Variants in DDX10 observed in about 807,000 individuals in gnomAD.
DDX10 encodes the protein DEAD-box helicase 10, also known as probable ATP-dependent RNA helicase DDX10.
DDX10 carries 74 observed loss-of-function variants against 104.3 expected under a neutral mutation model. The ratio of observed to expected loss-of-function variants is 0.71; its 90% CI spans 0.59 to 0.86. DDX10 has a LOEUF of 0.86. Ranked by LOEUF, DDX10 falls within the 40% of genes least tolerant of loss-of-function variation. The probability of loss-of-function intolerance (pLI) is 0.00; values close to 1 mark genes in which losing one functional copy is unlikely to be tolerated. For missense variants in DDX10, 952 were observed against 1,040.0 expected (o/e 0.92, Z 1.16); for synonymous variants, 351 against 353.4 (o/e 0.99, Z 0.08).
At chr11:108,731,016 G>C (rs1034804406) in intron 13 of DDX10, among the ~76,000 whole-genome samples, 1 of 151,542 alleles carries the variant, frequency 6.6e-6, no homozygotes, top group African/African-American at 2.4e-5. Flanking sequence ...GTTGAATTTC[G>C]TGGTTCTCCA....
intron 1 of DDX10, among the ~76,000 whole-genome samples, chr11:108,666,668 T>C (rs2094210563): frequency 6.6e-6 from 1 of 152,200 alleles, no homozygotes; most frequent in Non-Finnish European, 1.5e-5. Context: ...TGGCATTCCT[T>C]GGCCTGTGGC....
At position 108,937,189 on chromosome 11, in the gene DDX10, G is replaced by A. The variant is rs557681527; in HGVS notation, c.2451-3057G>A. On this transcript the variant is annotated intron_variant, in intron 17 of 17. Transcript: ENST00000322536. ...AAATGCCCAAGTGTCTGCCGATCTC[G>A]CGAGTGAGGGCCGTGCTTGAGGAGT... is the stretch of plus-strand genomic sequence containing the variant. Among the ~76,000 whole-genome samples the A allele has an allele frequency of 2.2e-4, 33 of 152,288 alleles. 1 individual carries two copies. Among genetic ancestry groups the A allele is most frequent in the Admixed American group, 1.2e-3 (19 of 15,296 alleles).
At chr11:108,923,243 C>T (rs539911375) in intron 17 of DDX10, among the ~76,000 whole-genome samples, 1 of 152,128 alleles carries the variant, frequency 6.6e-6, no homozygotes, top group African/African-American at 2.4e-5. Flanking sequence ...TGCACAGAGT[C>T]CTGTGTTCTT....
chr11:108,874,928 C>T (rs1394176034), intron 16 of DDX10, among the ~76,000 whole-genome samples: 1 of 152,056 alleles, frequency 6.6e-6, no homozygotes, highest in African/African-American at 2.4e-5. Context: ...ATTCTTGTGC[C>T]AGTTATTTAA....
intron 13 of DDX10, among the ~76,000 whole-genome samples, chr11:108,759,639 C>T (rs945140165): frequency 6.6e-6 from 1 of 151,994 alleles, no homozygotes; most frequent in African/African-American, 2.4e-5. Flanking sequence ...TACATCTGTT[C>T]TAGGGCTTTT....
intron 16 of DDX10, among the ~76,000 whole-genome samples, chr11:108,879,485 A>T (rs1863198757): frequency 6.6e-6 from 1 of 152,208 alleles, no homozygotes; most frequent in African/African-American, 2.4e-5. Flanking sequence ...CTAAAATGGT[A>T]ATTTCTACAT....
At chr11:108,892,891 A>G (rs1181294650) in intron 16 of DDX10, among the ~76,000 whole-genome samples, 3 of 152,094 alleles carry the variant, frequency 2.0e-5, no homozygotes, top group Non-Finnish European at 2.9e-5. Flanking sequence ...ATTCTCACCT[A>G]TCCTTCACTG....
intron 15 of DDX10, among the ~76,000 whole-genome samples, chr11:108,851,848 T>C (rs1380581157): frequency 2.0e-5 from 3 of 152,152 alleles, no homozygotes; most frequent in Non-Finnish European, 4.4e-5. Context: ...AGAATGTGTC[T>C]CTTGTATAAT....
intron 11 of DDX10, 93 bp from the exon 12 acceptor site, chr11:108,719,704 T>C (rs2094295903): frequency 1.4e-6 from 1 of 712,302 alleles, no homozygotes; most frequent in Non-Finnish European, 2.4e-6. Flanking sequence ...TCAGTACTAT[T>C]GAATTTATCC....
chr11:108,927,747 C>A (rs1055884496), intron 17 of DDX10, among the ~76,000 whole-genome samples: 3 of 152,024 alleles, frequency 2.0e-5, no homozygotes, highest in Admixed American at 1.3e-4. Context: ...AAGCAATTCT[C>A]CTGCCTCAGC....
chr11:108,686,048 T>C (rs1255137350), intron 6 of DDX10, among the ~76,000 whole-genome samples: 1 of 152,220 alleles, frequency 6.6e-6, no homozygotes, highest in African/African-American at 2.4e-5. Context: ...TCATTCTGTT[T>C]CCCATAATTC....
At position 108,730,828 on chromosome 11, in the gene DDX10, A is replaced by G. The variant is rs61914013; in HGVS notation, c.1965+7366A>G. On this transcript the variant is annotated intron_variant, in intron 13 of 17. Coordinates refer to ENST00000322536, the MANE Select transcript of DDX10 (RefSeq NM_004398.4). ...TTATACTATAAGAAGTTCTATCTTT[A>G]AAGTACACACGTACCTGCATGTTTT... Among the ~76,000 whole-genome samples, 1,077 of 148,278 alleles carry G rather than the reference A, an allele frequency of 7.3e-3. 7 individuals carry two copies. The highest frequency in any genetic ancestry group is 0.012 in the Non-Finnish European group (827 of 67,350).
chr11:108,923,004 G>A (rs935086971), intron 17 of DDX10, among the ~76,000 whole-genome samples: 69 of 152,216 alleles, frequency 4.5e-4, no homozygotes, highest in African/African-American at 1.5e-3. Context: ...GATGTTCTCT[G>A]GCTTTTTTAC....
chr11:108,853,156 C>G (rs1862818393), intron 16 of DDX10, among the ~76,000 whole-genome samples: 1 of 152,028 alleles, frequency 6.6e-6, no homozygotes. Flanking sequence ...TGCCCAAAAA[C>G]GAGAGCTCCA....
chr11:108,844,174 A>G (rs1159151960), intron 15 of DDX10, among the ~76,000 whole-genome samples: 1 of 152,052 alleles, frequency 6.6e-6, no homozygotes, highest in East Asian at 1.9e-4. Context: ...TTTTTTTTAA[A>G]GTGACAACTT....
In DDX10 at chr11:108,693,578, C is replaced by T. The variant is rs1204655767; in HGVS notation, c.1201C>T (p.His401Tyr). 1 of 1,613,926 alleles carries T rather than the reference C, an allele frequency of 6.2e-7. No homozygotes were observed. The highest frequency in any genetic ancestry group is 1.7e-5 in the Admixed American group (1 of 60,026). The change falls in exon 9 of 18, where the codon CAC becomes TAC. Residue 401 changes from histidine to tyrosine, a missense_variant. Transcript: ENST00000322536. ...DCPEDANTYIHRAGRTARYKE... is the reference protein window; with the variant it reads ...DCPEDANTYIYRAGRTARYKE... ...TCCTGAGGATGCCAACACATATATTCACAGAGCAGGTAGAACTGCCAGGTA... is the reference window on the plus strand; with the variant it reads ...TCCTGAGGATGCCAACACATATATTTACAGAGCAGGTAGAACTGCCAGGTA...
rs112342167 is a variant in DDX10, at chr11:108,757,148, C to T, written c.1965+33686C>T. On this transcript the variant is annotated intron_variant, in intron 13 of 17. Coordinates refer to ENST00000322536, the MANE Select transcript of DDX10 (RefSeq NM_004398.4). ...CTCCCTTCTCTCCCCACAAATAATT[C>T]CTCAAACCAAATCATCAACCTGTCT... Among the ~76,000 whole-genome samples, 919 of 152,110 alleles carry T rather than the reference C, an allele frequency of 6.0e-3. 3 individuals are homozygous for T. The highest frequency in any genetic ancestry group is 0.021 in the African/African-American group (852 of 41,512).
At chr11:108,800,030 T>TG (rs1172593170) in intron 13 of DDX10, among the ~76,000 whole-genome samples, 1 of 152,102 alleles carries the variant, frequency 6.6e-6, no homozygotes, top group Non-Finnish European at 1.5e-5. Context: ...CTCCAATTCC[T>TG]GGGCTTAAGT....
chr11:108,816,177 T>A (rs1862251989), intron 13 of DDX10, among the ~76,000 whole-genome samples: 1 of 152,210 alleles, frequency 6.6e-6, no homozygotes, highest in South Asian at 2.1e-4. Context: ...TTTCCCATCT[T>A]TAAATGATGG....
Sources: gnomAD v4.1 joint callset for allele counts (sites outside exome capture counted in the v4.1 genomes callset) on GRCh38, gnomAD v4.1.1 for gene constraint, MANE v1.5 for transcripts, NCBI Gene and HGNC (gene_info 2026-07-23, HGNC 2026-07-21) for gene names.